CUBN: variants seen among roughly 807,000 people sequenced by gnomAD.
The protein encoded by CUBN is 460 kDa receptor.
A neutral mutation model predicts 405.3 loss-of-function variants in CUBN; 282 were observed. The ratio of observed to expected loss-of-function variants is 0.70; its 90% CI spans 0.63 to 0.77. The LOEUF (loss-of-function observed/expected upper bound fraction) is 0.77, where lower values mean the gene tolerates loss of function less well. CUBN is among the 30% of genes least tolerant of loss of function. The probability of loss-of-function intolerance (pLI) is 0.00; values close to 1 mark genes in which losing one functional copy is unlikely to be tolerated. For missense variants in CUBN, 4,514 were observed against 4,475.2 expected, an observed-to-expected ratio of 1.01 and a Z score of -0.25; for synonymous variants, 1,684 against 1,617.0, an observed-to-expected ratio of 1.04 and a Z score of -0.99.
At chr10:16,910,304 G>A (rs1303180206) in intron 48 of CUBN, among the ~76,000 whole-genome samples, 5 of 148,168 alleles carry the variant, frequency 3.4e-5, no homozygotes, top group East Asian at 3.9e-4. Flanking sequence ...TCCTCTTTTC[G>A]GCAAGTTCTC....
intron 22 of CUBN, among the ~76,000 whole-genome samples, chr10:17,063,364 G>A (rs1479440454): frequency 3.3e-5 from 5 of 152,152 alleles, no homozygotes; most frequent in Admixed American, 6.5e-5. Context: ...ACACTCCCTC[G>A]TCTGTGATTT....
rs543862877 is a variant in CUBN at position 17,075,946 on chromosome 10, T to C, written c.2302-3975A>G. 3.3e-5 allele frequency among the ~76,000 whole-genome samples: 5 copies of C among 152,350 alleles called. No homozygotes were observed. In the South Asian group the frequency reaches 1.0e-3, roughly 32 times the overall value. ...GTACAGTATGATGGTTCAGTTTTTG[T>C]TAGAGATACAGACATACTGCAGTTC... On this transcript the variant is annotated intron_variant, in intron 17 of 66. Coordinates refer to ENST00000377833, the MANE Select transcript of CUBN (RefSeq NM_001081.4).
chr10:17,079,055 C>T (rs748909865), intron 17 of CUBN, among the ~76,000 whole-genome samples: 24 of 152,088 alleles, frequency 1.6e-4, no homozygotes, highest in Non-Finnish European at 2.9e-4. Context: ...CCTCCCACTA[C>T]TCCAACCTAC....
At chr10:17,102,762 AC>A (rs777332192) in intron 13 of CUBN, among the ~76,000 whole-genome samples, 4 of 151,552 alleles carry the variant, frequency 2.6e-5, no homozygotes, top group Non-Finnish European at 5.9e-5. Flanking sequence ...ATGTGCCACT[AC>A]ACCTGGCTAA....
At chr10:17,102,047 A>C (rs781272670) in intron 13 of CUBN, among the ~76,000 whole-genome samples, 6 of 152,152 alleles carry the variant, frequency 3.9e-5, no homozygotes, top group Non-Finnish European at 8.8e-5. Flanking sequence ...CTGTCTCAGT[A>C]ACAACATGAT....
intron 60 of CUBN, among the ~76,000 whole-genome samples, chr10:16,849,584 T>TAA (rs112493260): frequency 2.0e-5 from 3 of 152,360 alleles, no homozygotes; most frequent in African/African-American, 7.2e-5. Flanking sequence ...CAAAAGCATG[T>TAA]AACTAAGTGC....
At chr10:17,023,889 G>A (rs1834577233) in intron 27 of CUBN, among the ~76,000 whole-genome samples, 1 of 152,170 alleles carries the variant, frequency 6.6e-6, no homozygotes, top group Non-Finnish European at 1.5e-5. Flanking sequence ...ATGCGGAGAT[G>A]TGTATATTAC....
At chr10:17,079,134 T>A (rs1291326891) in intron 17 of CUBN, among the ~76,000 whole-genome samples, 1 of 152,088 alleles carries the variant, frequency 6.6e-6, no homozygotes. Context: ...GGTCCAGCAG[T>A]TGTGGAAAAA....
intron 22 of CUBN, among the ~76,000 whole-genome samples, chr10:17,060,085 C>T (rs1254337781): frequency 1.6e-5 from 2 of 121,964 alleles, no homozygotes; most frequent in Non-Finnish European, 4.0e-5. Flanking sequence ...TCCCTCTTTC[C>T]AAATCCTATT....
rs150967392 is a variant in CUBN at position 17,069,186 on chromosome 10, C to T, written c.2626-416G>A. On this transcript the variant is annotated intron_variant, in intron 19 of 66. Coordinates refer to ENST00000377833, the MANE Select transcript of CUBN (RefSeq NM_001081.4). The stretch of plus-strand genomic sequence containing the variant: ...AAAGATATACCACATTTTATTTATC[C>T]GTTTACCAGTTGATGGACACTTAAG... 1.3e-3 allele frequency among the ~76,000 whole-genome samples: 199 copies of T among 152,088 alleles called. 4 individuals carry two copies. The highest frequency in any genetic ancestry group is 1.0e-2 in the Admixed American group (152 of 15,260).
At chr10:16,961,934 C>G (rs1056350932) in intron 31 of CUBN, among the ~76,000 whole-genome samples, 6 of 151,888 alleles carry the variant, frequency 4.0e-5, no homozygotes, top group Non-Finnish European at 5.9e-5. Context: ...GGATGGTCTC[C>G]ATCTCCTGAC....
intron 31 of CUBN, among the ~76,000 whole-genome samples, chr10:16,958,025 C>T (rs1843120132): frequency 6.6e-6 from 1 of 152,096 alleles, no homozygotes; most frequent in Non-Finnish European, 1.5e-5. Context: ...TTGTTTCTTC[C>T]CTCTCACAGT....
At chr10:16,957,896 A>C (rs1360799165) in intron 31 of CUBN, among the ~76,000 whole-genome samples, 3 of 29,230 alleles carry the variant, frequency 1.0e-4, no homozygotes, top group Non-Finnish European at 1.5e-4. Context: ...TAGACTTCTC[A>C]AAAAAAAAAA....
At chr10:17,062,901 T>A (rs535564966) in intron 22 of CUBN, among the ~76,000 whole-genome samples, 5 of 152,356 alleles carry the variant, frequency 3.3e-5, no homozygotes, top group Middle Eastern at 3.4e-3. Flanking sequence ...GAGCTTCCCT[T>A]GATGCTTTTC....
At chr10:16,974,007 G>A (rs1476000979) in intron 31 of CUBN, among the ~76,000 whole-genome samples, 3 of 152,034 alleles carry the variant, frequency 2.0e-5, no homozygotes, top group South Asian at 2.1e-4. Context: ...AGTATTCCGC[G>A]CTGTCTCTTC....
chr10:17,108,412 CA>C (rs1836689361), intron 10 of CUBN, among the ~76,000 whole-genome samples: 1 of 151,332 alleles, frequency 6.6e-6, no homozygotes, highest in Non-Finnish European at 1.5e-5. Flanking sequence ...TGTGTGTTTA[CA>C]TACACATATA....
intron 45 of CUBN, among the ~76,000 whole-genome samples, chr10:16,916,984 T>G (rs184179383): frequency 2.6e-5 from 4 of 151,978 alleles, no homozygotes; most frequent in Admixed American, 2.0e-4. Context: ...TGGCTAATTT[T>G]TGTATTTTTA....
At chr10:17,030,944 G>A (rs1834773278) in intron 27 of CUBN, among the ~76,000 whole-genome samples, 1 of 151,956 alleles carries the variant, frequency 6.6e-6, no homozygotes, top group Non-Finnish European at 1.5e-5. Flanking sequence ...TAAAATAAGA[G>A]TTGTTAAACT....
chr10:16,911,720 A>G (rs1472895694), intron 48 of CUBN, among the ~76,000 whole-genome samples: 3 of 152,212 alleles, frequency 2.0e-5, no homozygotes, highest in African/African-American at 7.2e-5. Context: ...TTAAACTATG[A>G]AAATAATTTC....
Sources: gnomAD v4.1 joint callset for allele counts (sites outside exome capture counted in the v4.1 genomes callset) on GRCh38, gnomAD v4.1.1 for gene constraint, MANE v1.5 for transcripts, NCBI Gene and HGNC (gene_info 2026-07-23, HGNC 2026-07-21) for gene names.